Variants in UBR7 observed in about 807,000 individuals in gnomAD.
UBR7 encodes putative E3 ubiquitin-protein ligase UBR7.
UBR7 carries 22 observed loss-of-function variants against 57.0 expected under a neutral mutation model. That is an observed-to-expected ratio of 0.39 (90% confidence interval 0.28 to 0.55). The LOEUF (loss-of-function observed/expected upper bound fraction) is 0.55, where lower values mean the gene tolerates loss of function less well. UBR7 is among the 20% of genes least tolerant of loss of function. The probability of loss-of-function intolerance (pLI) is 0.69; values close to 1 mark genes in which losing one functional copy is unlikely to be tolerated. For missense variants in UBR7, 395 were observed against 513.2 expected (o/e 0.77, Z 2.23); for synonymous variants, 167 against 179.8 (o/e 0.93, Z 0.57).
At chr14:93,208,591 A>T (rs1382736156) in intron 1 of UBR7, among the ~76,000 whole-genome samples, 1 of 152,136 alleles carries the variant, frequency 6.6e-6, no homozygotes, top group Non-Finnish European at 1.5e-5. Context: ...ATTTGCACAA[A>T]TCATGTACAC....
chr14:93,228,318 C>T lies in UBR7; in HGVS notation c.*1283C>T. The stretch of plus-strand genomic sequence containing the variant: ...GAAATGCCTTGTGATACATAGAGAA[C>T]CCTCAGCTTCTCTCTGCCTCTGGAG... On this transcript the variant is annotated 3_prime_UTR_variant, in exon 11 of 11. Transcript: ENST00000013070. The T allele has an allele frequency of 2.2e-6, 1 of 455,760 alleles. No individual in the cohort carries two copies. Among genetic ancestry groups the T allele is most frequent in the Non-Finnish European group, 4.4e-6 (1 of 227,682 alleles). The allele number at this position is 455,760 out of a possible 1,614,324, so 28.2% of individuals were successfully genotyped here. A position where few individuals can be genotyped will look rare whatever the true frequency, so the allele number is the denominator to read the frequency against.
At chr14:93,210,076 A>ATTTATTTATTTATAT in intron 2 of UBR7, 119 bp downstream of exon 2, 1 of 630,536 alleles carries the variant, frequency 1.6e-6, no homozygotes. Flanking sequence ...GAAATTAATT[A>ATTTATTTATTTATAT]ATTAATTTAT....
chr14:93,210,045 G>T, intron 2 of UBR7, 88 bp downstream of exon 2: 1 of 1,326,208 alleles, frequency 7.5e-7, no homozygotes, highest in South Asian at 1.3e-5. Context: ...GTTTTTTCAT[G>T]CAAAGCAGTT....
chr14:93,228,680 T>C lies in UBR7; in HGVS notation c.*1645T>C, dbSNP rs1407264404. The C allele has an allele frequency of 2.2e-6, 1 of 454,116 alleles. No homozygotes were observed. The allele number at this position is 454,116 out of a possible 1,614,324, so 28.1% of individuals were successfully genotyped here. On this transcript the variant is annotated 3_prime_UTR_variant, in exon 11 of 11. Transcript: ENST00000013070. ...GCTCCGTTCAAAGGCTCGGGGTGTC[T>C]TTGAGGTTGTTTATCAAGCTGGGGA...
chr14:93,210,232 C>T (rs1329299092), intron 2 of UBR7, among the ~76,000 whole-genome samples: 1 of 151,976 alleles, frequency 6.6e-6, no homozygotes, highest in African/African-American at 2.4e-5. Context: ...TAAAGGCTCC[C>T]ACCACCACGC....
chr14:93,227,617 C>A lies in UBR7; in HGVS notation c.*582C>A. 1.4e-6 allele frequency: 1 copy of A among 700,552 alleles called. No individual in the cohort carries two copies. The highest frequency in any genetic ancestry group is 2.6e-6 in the Non-Finnish European group (1 of 384,820). The allele number at this position is 700,552 out of a possible 1,614,324, so 43.4% of individuals were successfully genotyped here. A position where few individuals can be genotyped will look rare whatever the true frequency, so the allele number is the denominator to read the frequency against. On this transcript the variant is annotated 3_prime_UTR_variant, in exon 11 of 11. Coordinates refer to ENST00000013070, the MANE Select transcript of UBR7 (RefSeq NM_175748.4). ...CTCTAGGCCCAACCTCCAGAGTAGC[C>A]AGGACTGATGGTTTTCTGGTCTGGA...
intron 9 of UBR7, among the ~76,000 whole-genome samples, chr14:93,220,849 G>A (rs1894689856): frequency 6.6e-6 from 1 of 151,122 alleles, no homozygotes. Flanking sequence ...GCTGCAGCAG[G>A]CCAAACTTAT....
At position 93,209,845 on chromosome 14, in the gene UBR7, C is replaced by G; in HGVS notation, c.172C>G (p.Leu58Val). The change falls in exon 2 of 11, where the codon CTA becomes GTA. Residue 58 changes from leucine (L) to valine (V), a missense_variant. Leu to Val is a conservative substitution (Grantham distance 32). Transcript: ENST00000013070. ...TCAGGGCTCAGTAAAGAGACAAGCA[C>G]TATATGCCTGTAGTACCTGCACCCC... ...YSQGSVKRQA[L>V]YACSTCTPEG... 1 of 1,613,906 alleles carries G rather than the reference C, an allele frequency of 6.2e-7. No homozygotes were observed. Among genetic ancestry groups the G allele is most frequent in the Non-Finnish European group, 8.5e-7 (1 of 1,179,918 alleles).
chr14:93,228,970 C>CT lies in UBR7; in HGVS notation c.*1942dup, dbSNP rs998372358. ...CTTCTTTCACATTAACTGGAAACCT[C>CT]TTTTTTTACCTGTTGTTCACAACTA... On this transcript the variant is annotated 3_prime_UTR_variant, in exon 11 of 11. Transcript: ENST00000013070. 2.2e-6 allele frequency: 1 copy of CT among 454,008 alleles called. No homozygotes were observed. Among genetic ancestry groups the CT allele is most frequent in the Admixed American group, 2.3e-5 (1 of 42,556 alleles). 28.1% of individuals were successfully genotyped at this position (454,008 alleles called of 1,614,324 possible).
intron 4 of UBR7, among the ~76,000 whole-genome samples, chr14:93,212,494 G>A (rs769726207): frequency 1.3e-5 from 2 of 152,058 alleles, no homozygotes; most frequent in Non-Finnish European, 2.9e-5. Context: ...TCTTAAAAAC[G>A]TCAATGAGAA....
intron 1 of UBR7, among the ~76,000 whole-genome samples, chr14:93,208,392 T>C (rs1051645196): frequency 6.6e-6 from 1 of 151,910 alleles, no homozygotes; most frequent in Non-Finnish European, 1.5e-5. Flanking sequence ...TGAATAAACC[T>C]GGTATCCAGA....
At position 93,221,266 on chromosome 14, in the gene UBR7, A is replaced by G. The variant is rs1241831472; in HGVS notation, c.1123+855A>G. ...GCTGGGATTACAGGCACCTGCCACC[A>G]TGCTTGGCTAATTTACTTTGTATTT... is the stretch of plus-strand genomic sequence containing the variant. On this transcript the variant is annotated intron_variant, in intron 9 of 10. Coordinates refer to ENST00000013070, the MANE Select transcript of UBR7 (RefSeq NM_175748.4). Among the ~76,000 whole-genome samples, 6 of 151,910 alleles carry G rather than the reference A, an allele frequency of 3.9e-5. No individual in the cohort carries two copies. In the South Asian group the frequency reaches 1.3e-3, roughly 32 times the overall value.
At chr14:93,226,787 CATCTCA>C (rs1372184850) in intron 10 of UBR7, among the ~76,000 whole-genome samples, 150 bp from the exon 11 acceptor site, 1 of 122,752 alleles carries the variant, frequency 8.1e-6, no homozygotes, top group Non-Finnish European at 1.6e-5. Context: ...AGCGACACTC[CATCTCA>C]AAAAAAAAAA....
At chr14:93,210,538 T>A in intron 2 of UBR7, 110 bp from the exon 3 acceptor site, 1 of 885,734 alleles carries the variant, frequency 1.1e-6, no homozygotes, top group Non-Finnish European at 1.8e-6. Flanking sequence ...CTTTTGTACA[T>A]ATTAATTTCC....
At chr14:93,211,942 G>T in intron 3 of UBR7, 90 bp from the exon 4 acceptor site, 1 of 1,023,808 alleles carries the variant, frequency 9.8e-7, no homozygotes. Context: ...GAAATAATGT[G>T]GAAATGTATT....
chr14:93,209,351 C>A (rs562581803), intron 1 of UBR7, among the ~76,000 whole-genome samples: 2 of 152,186 alleles, frequency 1.3e-5, no homozygotes, highest in Non-Finnish European at 1.5e-5. Flanking sequence ...CTTACATAAA[C>A]CTGTACATAT....
rs34666080 is a variant in UBR7, at chr14:93,215,689, CAAA to C, written c.601+427_601+429del. ...GGGCAATAGAACAAGACTCCATCCT[CAAA>C]AAAAAAAAAAAAAAAAAAGAATAGT... On this transcript the variant is annotated intron_variant, in intron 6 of 10. Transcript: ENST00000013070. 6.3e-4 allele frequency among the ~76,000 whole-genome samples: 45 copies of C among 71,826 alleles called. 1 individual carries two copies. Among genetic ancestry groups the C allele is most frequent in the Admixed American group, 4.2e-3 (27 of 6,502 alleles). 47.1% of individuals were successfully genotyped at this position (71,826 alleles called of 152,430 possible).
intron 9 of UBR7, among the ~76,000 whole-genome samples, chr14:93,221,459 C>T (rs1894705450): frequency 6.7e-6 from 1 of 150,358 alleles, no homozygotes; most frequent in Non-Finnish European, 1.5e-5. Context: ...TTCACCATGT[C>T]ACCCAGGCTG....
chr14:93,212,477 A>G (rs1269404603), intron 4 of UBR7, among the ~76,000 whole-genome samples: 1 of 152,224 alleles, frequency 6.6e-6, no homozygotes, highest in East Asian at 1.9e-4. Context: ...GTATACAAAC[A>G]GCATCCTCTT....
Sources: allele counts gnomAD v4.1 joint callset (sites outside exome capture counted in the v4.1 genomes callset), GRCh38; gene constraint gnomAD v4.1.1; transcripts MANE v1.5; gene names NCBI Gene and HGNC (gene_info 2026-07-23, HGNC 2026-07-21).